The following ZC3H12B variants were observed in gnomAD, a reference collection of about 807,000 sequenced individuals.
The protein encoded by ZC3H12B is probable ribonuclease ZC3H12B.
Under a neutral mutation model 43.9 loss-of-function variants are expected in ZC3H12B, and 7 were observed. That is an observed-to-expected ratio of 0.16 (90% confidence interval 0.09 to 0.30). The LOEUF is 0.30. Ranked by LOEUF, ZC3H12B falls within the 10% of genes least tolerant of loss-of-function variation. The probability of loss-of-function intolerance (pLI) is 1.00; values close to 1 mark genes in which losing one functional copy is unlikely to be tolerated. For synonymous variants in ZC3H12B, 222 were observed against 241.7 expected (o/e 0.92, Z 0.76); for missense variants, 475 against 670.2 (o/e 0.71, Z 3.22).
chrX:65,248,419 T>C, the ZC3H12B span, among the ~76,000 whole-genome samples: 1 of 111,783 alleles, frequency 8.9e-6, no homozygotes, highest in East Asian at 2.8e-4. Flanking sequence ...AAAAATGTAG[T>C]CTTGGAATAA....
intron 3 of ZC3H12B, among the ~76,000 whole-genome samples, chrX:65,437,585 A>G (rs1211634960): frequency 8.9e-6 from 1 of 111,829 alleles, no homozygotes; most frequent in Non-Finnish European, 1.9e-5. Context: ...CTAATTTTTA[A>G]TTATATTTTT....
At chrX:65,353,402 T>C in the ZC3H12B span, among the ~76,000 whole-genome samples, 1 of 111,256 alleles carries the variant, frequency 9.0e-6, no homozygotes, top group Admixed American at 9.5e-5. Context: ...AGTGTTCAAG[T>C]GAAAGGAAGA....
chrX:65,146,649 G>T, the ZC3H12B span, among the ~76,000 whole-genome samples: 5 of 111,561 alleles, frequency 4.5e-5, no homozygotes, highest in African/African-American at 6.5e-5. Flanking sequence ...GTCTCATGGG[G>T]TGTTCCTTTT....
the ZC3H12B span, among the ~76,000 whole-genome samples, chrX:65,071,269 G>A: frequency 9.7e-6 from 1 of 102,602 alleles, no homozygotes; most frequent in Non-Finnish European, 2.0e-5. Flanking sequence ...AATTAGAATT[G>A]CAACCTCTGC....
At chrX:65,036,932 A>G in the ZC3H12B span, among the ~76,000 whole-genome samples, 7 of 109,748 alleles carry the variant, frequency 6.4e-5, no homozygotes, top group East Asian at 2.8e-4. Flanking sequence ...AATAAAATTG[A>G]TGGCTTATTT....
At chrX:65,249,002 G>A in the ZC3H12B span, among the ~76,000 whole-genome samples, 1 of 111,332 alleles carries the variant, frequency 9.0e-6, no homozygotes, top group African/African-American at 3.3e-5. Flanking sequence ...TGGATAGATC[G>A]TGAAGGTTTT....
At chrX:65,182,448 A>T in the ZC3H12B span, among the ~76,000 whole-genome samples, 1 of 111,335 alleles carries the variant, frequency 9.0e-6, no homozygotes, top group Non-Finnish European at 1.9e-5. Context: ...AAATAAAAAT[A>T]AAATGGCGGT....
In ZC3H12B at chrX:65,405,968, C is replaced by T. The variant is rs148801395; in HGVS notation, n.407+7264C>T. On this transcript the variant is annotated intron_variant and non_coding_transcript_variant, in intron 3 of 5. Transcript: ENST00000617377. ...GAAAGAAATCCAAAACCTGAACAGACCAATAACAAGTAATAAGATCAAAGC... is the reference window on the plus strand; with the variant it reads ...GAAAGAAATCCAAAACCTGAACAGATCAATAACAAGTAATAAGATCAAAGC... Among the ~76,000 whole-genome samples, 125 of 111,302 alleles carry T rather than the reference C, an allele frequency of 1.1e-3. No individual in the cohort carries two copies. In the Middle Eastern group the frequency reaches 0.037, roughly 33 times the overall value.
At chrX:65,200,426 CTTTTTTTTTTT>C in the ZC3H12B span, among the ~76,000 whole-genome samples, 2 of 59,620 alleles carry the variant, frequency 3.4e-5, no homozygotes, top group African/African-American at 9.1e-5. Context: ...ATAGTTTCCT[CTTTTTTTTTTT>C]TTTTTTTTTT....
chrX:65,201,554 G>A, the ZC3H12B span, among the ~76,000 whole-genome samples: 1 of 108,349 alleles, frequency 9.2e-6, no homozygotes, highest in Non-Finnish European at 1.9e-5. Flanking sequence ...TTTCAGTTCA[G>A]TTCTGATCTT....
the ZC3H12B span, among the ~76,000 whole-genome samples, chrX:65,060,655 A>G: frequency 8.9e-6 from 1 of 111,889 alleles, no homozygotes; most frequent in Non-Finnish European, 1.9e-5. Flanking sequence ...ATTCACCTGT[A>G]GTTTTCTTTT....
the ZC3H12B span, among the ~76,000 whole-genome samples, chrX:65,108,469 G>A: frequency 9.2e-6 from 1 of 108,304 alleles, no homozygotes; most frequent in Non-Finnish European, 1.9e-5. Context: ...CATTAGCGTA[G>A]GCCAACGCAG....
the ZC3H12B span, among the ~76,000 whole-genome samples, chrX:65,099,312 G>A: frequency 8.9e-6 from 1 of 111,831 alleles, no homozygotes; most frequent in Admixed American, 9.4e-5. Flanking sequence ...GTTCCTGCCT[G>A]CCAGCTCTGA....
chrX:65,254,622 C>G, the ZC3H12B span, among the ~76,000 whole-genome samples: 2 of 112,360 alleles, frequency 1.8e-5, no homozygotes, highest in Admixed American at 1.9e-4. Context: ...AGAAGCAGCA[C>G]AAGAACCCTA....
chrX:65,482,690 C>T (rs1196578771), intron 3 of ZC3H12B, among the ~76,000 whole-genome samples: 5 of 111,863 alleles, frequency 4.5e-5, no homozygotes, highest in African/African-American at 9.7e-5. Context: ...TTACATTTAA[C>T]AATGTGGTTT....
the ZC3H12B span, among the ~76,000 whole-genome samples, chrX:65,136,721 T>G: frequency 9.0e-6 from 1 of 111,669 alleles, no homozygotes; most frequent in Non-Finnish European, 1.9e-5. Context: ...GGGAACTCAT[T>G]GCTGTGTTGT....
At chrX:65,291,104 A>G in the ZC3H12B span, among the ~76,000 whole-genome samples, 10 of 111,184 alleles carry the variant, frequency 9.0e-5, no homozygotes, top group East Asian at 2.8e-3. Flanking sequence ...ATGAGATATC[A>G]CTTCACATCT....
chrX:65,130,797 G>A, the ZC3H12B span, among the ~76,000 whole-genome samples: 1 of 111,612 alleles, frequency 9.0e-6, no homozygotes, highest in South Asian at 3.8e-4. Context: ...GGGGGAGTAG[G>A]TGGGAGGGAC....
the ZC3H12B span, among the ~76,000 whole-genome samples, chrX:65,299,129 C>T: frequency 2.7e-5 from 3 of 112,092 alleles, no homozygotes; most frequent in South Asian, 1.1e-3. Flanking sequence ...TAGTGATATA[C>T]AGTCGTGAAC....
Sources: allele counts gnomAD v4.1 joint callset (sites outside exome capture counted in the v4.1 genomes callset), GRCh38; gene constraint gnomAD v4.1.1; transcripts MANE v1.5; gene names NCBI Gene and HGNC (gene_info 2026-07-23, HGNC 2026-07-21).